The following ARMC8 variants were observed in gnomAD, a reference collection of about 807,000 sequenced individuals.
ARMC8 encodes armadillo repeat-containing protein 8.
ARMC8 carries 20 observed loss-of-function variants against 99.3 expected under a neutral mutation model. The observed-to-expected ratio is 0.20, with a 90% CI of 0.14 to 0.29. The LOEUF is 0.29. Ranked by LOEUF, ARMC8 falls within the 10% of genes least tolerant of loss-of-function variation. The pLI is 1.00. For synonymous variants in ARMC8, 263 were observed against 278.3 expected, an observed-to-expected ratio of 0.95 and a Z score of 0.55; for missense variants, 569 against 809.5, an observed-to-expected ratio of 0.70 and a Z score of 3.60.
At position 138,272,975 on chromosome 3, in the gene ARMC8, A is replaced by G; in HGVS notation, c.1488A>G (p.Ala496=). 6.2e-7 allele frequency: 1 copy of G among 1,601,042 alleles called. No individual in the cohort carries two copies. Among genetic ancestry groups the G allele is most frequent in the Non-Finnish European group, 8.5e-7 (1 of 1,174,334 alleles). Residue 496 remains alanine (A), a synonymous_variant, in exon 17 of 22, where the codon GCA becomes GCG. Transcript: ENST00000469044. ...VNGIWALMNM[A]FQAEQKIKAD... ...TTCTTTAATCCTTTCAGAATATGGCATTTCAGGCTGAACAAAAAATAAAAG... is the reference window on the plus strand; with the variant it reads ...TTCTTTAATCCTTTCAGAATATGGCGTTTCAGGCTGAACAAAAAATAAAAG...
intron 3 of ARMC8, 103 bp downstream of exon 3, chr3:138,222,100 T>A: frequency 2.5e-6 from 2 of 805,306 alleles, no homozygotes; most frequent in South Asian, 3.8e-5. Flanking sequence ...TCTGTCTAAT[T>A]CTTAAAATAA....
chr3:138,205,702 C>T (rs974293516), intron 1 of ARMC8, among the ~76,000 whole-genome samples: 11 of 152,106 alleles, frequency 7.2e-5, no homozygotes, highest in Admixed American at 5.9e-4. Flanking sequence ...CTCTGGGAGG[C>T]TGAGGTGGGA....
chr3:138,263,120 C>T (rs1200122042), intron 12 of ARMC8, among the ~76,000 whole-genome samples: 2 of 152,208 alleles, frequency 1.3e-5, no homozygotes, highest in African/African-American at 4.8e-5. Flanking sequence ...AATTCAGTTT[C>T]CTTCACACAC....
At chr3:138,193,436 G>A (rs992486986) in intron 1 of ARMC8, among the ~76,000 whole-genome samples, 4 of 150,564 alleles carry the variant, frequency 2.7e-5, no homozygotes, top group African/African-American at 9.8e-5. Flanking sequence ...AATTTTTTGT[G>A]TGTATTTTTA....
chr3:138,264,276 T>C (rs2048035845), intron 14 of ARMC8, 64 bp downstream of exon 14: 1 of 1,269,570 alleles, frequency 7.9e-7, no homozygotes. Flanking sequence ...CTGAGCTAGC[T>C]AACACTACTC....
At chr3:138,215,280 G>A (rs2044950991) in intron 2 of ARMC8, among the ~76,000 whole-genome samples, 1 of 151,758 alleles carries the variant, frequency 6.6e-6, no homozygotes, top group Non-Finnish European at 1.5e-5. Context: ...GCAATGGCGT[G>A]GTCTGGGCTC....
chr3:138,195,104 G>A (rs765286953), intron 1 of ARMC8, among the ~76,000 whole-genome samples: 7 of 151,776 alleles, frequency 4.6e-5, no homozygotes, highest in African/African-American at 1.2e-4. Context: ...GTGAAACCCC[G>A]TCTCTACTAA....
chr3:138,255,354 A>C (rs1576784199), intron 12 of ARMC8, among the ~76,000 whole-genome samples: 2 of 151,560 alleles, frequency 1.3e-5, no homozygotes, highest in East Asian at 3.9e-4. Context: ...AGGCGCCTGC[A>C]ACCACACCCG....
intron 15 of ARMC8, among the ~76,000 whole-genome samples, chr3:138,268,398 G>GA (rs2048473754): frequency 6.6e-6 from 1 of 152,182 alleles, no homozygotes; most frequent in Non-Finnish European, 1.5e-5. Context: ...CTGCCCTGTA[G>GA]ACGGGGTCTT....
intron 1 of ARMC8, among the ~76,000 whole-genome samples, chr3:138,204,996 T>G (rs574078613): frequency 6.6e-6 from 1 of 152,010 alleles, no homozygotes; most frequent in African/African-American, 2.4e-5. Flanking sequence ...CCCAGTCAAA[T>G]TCAGACCTCC....
intron 1 of ARMC8, among the ~76,000 whole-genome samples, chr3:138,188,771 AGCAGTGTG>A (rs2043217060): frequency 1.3e-5 from 2 of 152,226 alleles, no homozygotes; most frequent in South Asian, 4.1e-4. Flanking sequence ...TCAGGGTTAG[AGCAGTGTG>A]GCAGACCTCA....
intron 1 of ARMC8, among the ~76,000 whole-genome samples, chr3:138,207,793 CCGAGGGATT>C (rs1272263714): frequency 6.6e-6 from 1 of 152,092 alleles, no homozygotes; most frequent in Non-Finnish European, 1.5e-5. Flanking sequence ...CATTTGTAAA[CCGAGGGATT>C]GAGCAGATTA....
chr3:138,269,789 A>C (rs1242133864), intron 15 of ARMC8, among the ~76,000 whole-genome samples: 1 of 151,724 alleles, frequency 6.6e-6, no homozygotes, highest in African/African-American at 2.4e-5. Flanking sequence ...GATAAAAGGA[A>C]ATGACAGAGT....
At chr3:138,190,448 G>A (rs1010146595) in intron 1 of ARMC8, among the ~76,000 whole-genome samples, 1 of 151,810 alleles carries the variant, frequency 6.6e-6, no homozygotes, top group South Asian at 2.1e-4. Flanking sequence ...TACCATGCCT[G>A]GCTAATTTTT....
At chr3:138,188,617 C>T in intron 1 of ARMC8, 5 of 1,531,894 alleles carry the variant, frequency 3.3e-6, no homozygotes, top group Non-Finnish European at 4.5e-6. Context: ...GGAAGCCAGT[C>T]TGATACTGAG....
intron 19 of ARMC8, among the ~76,000 whole-genome samples, chr3:138,285,373 C>G (rs917204559): frequency 6.6e-6 from 1 of 152,176 alleles, no homozygotes; most frequent in African/African-American, 2.4e-5. Flanking sequence ...TTATGATGGC[C>G]TGTCAAGTCC....
intron 5 of ARMC8, 83 bp from the exon 6 acceptor site, chr3:138,228,835 T>A: frequency 1.2e-6 from 1 of 827,432 alleles, no homozygotes. Context: ...GAGATTTGAC[T>A]ACCTTCTTGT....
chr3:138,267,072 T>C (rs184930932), intron 14 of ARMC8, 83 bp from the exon 15 acceptor site: 62 of 757,924 alleles, frequency 8.2e-5, no homozygotes, highest in Non-Finnish European at 9.9e-5. Flanking sequence ...ATTGTTCTTG[T>C]TTTTATTTAT....
At chr3:138,294,937 C>T (rs2051330066) in intron 21 of ARMC8, among the ~76,000 whole-genome samples, 3 of 145,896 alleles carry the variant, frequency 2.1e-5, no homozygotes, top group Non-Finnish European at 4.5e-5. Flanking sequence ...TCACTCTTGT[C>T]GCACAGGCTG....
Sources: allele counts gnomAD v4.1 joint callset (sites outside exome capture counted in the v4.1 genomes callset), GRCh38; gene constraint gnomAD v4.1.1; transcripts MANE v1.5; gene names NCBI Gene and HGNC (gene_info 2026-07-23, HGNC 2026-07-21).